The following KANSL3 variants were observed in gnomAD, a reference collection of about 807,000 sequenced individuals.
KANSL3 encodes the protein KAT8 regulatory NSL complex subunit 3, also known as NSL complex protein NSL3.
Under a neutral mutation model 89.2 loss-of-function variants are expected in KANSL3, and 16 were observed. The observed-to-expected ratio is 0.18, with a 90% CI of 0.12 to 0.27. The LOEUF is 0.27. Among genes scored for constraint, KANSL3 ranks in the 10% least tolerant of loss-of-function variants. The pLI is 1.00. For synonymous variants in KANSL3, 385 were observed against 419.7 expected, an observed-to-expected ratio of 0.92 and a Z score of 1.01; for missense variants, 879 against 1,110.6, an observed-to-expected ratio of 0.79 and a Z score of 2.96.
the KANSL3 span, among the ~76,000 whole-genome samples, chr2:96,582,953 G>C: frequency 4.6e-5 from 7 of 152,206 alleles, no homozygotes; most frequent in African/African-American, 1.7e-4. Flanking sequence ...GGAAGGTTTG[G>C]ACACAGTGTG....
rs1420285949 is a variant in KANSL3, at chr2:96,612,347, T to C, written c.1021A>G (p.Ser341Gly). The C allele has an allele frequency of 1.2e-6, 2 of 1,613,532 alleles. No homozygotes were observed. The highest frequency in any genetic ancestry group is 1.3e-5 in the African/African-American group (1 of 74,886). The change falls in exon 9 of 21, where the codon AGC becomes GGC. Residue 341 changes from serine (S) to glycine (G), a missense_variant. Ser to Gly is a moderately conservative substitution (Grantham distance 56, BLOSUM62 0). Transcript: ENST00000431828. ...ATAATGGGTTTGTGTGGGAAATGGCTGTGAATCTTCATGGGAAGAGAAAGA... is the reference window on the plus strand; with the variant it reads ...ATAATGGGTTTGTGTGGGAAATGGCCGTGAATCTTCATGGGAAGAGAAAGA... ...AVRSKVLEIH[S>G]HFPHKPIILI...
At chr2:96,635,327 TAA>T (rs1427242286) in intron 2 of KANSL3, among the ~76,000 whole-genome samples, 1 of 152,212 alleles carries the variant, frequency 6.6e-6, no homozygotes, top group Admixed American at 6.5e-5. Flanking sequence ...CACACTGGCC[TAA>T]AAGAGTTCTT....
At chr2:96,630,365 C>A (rs556467468) in intron 3 of KANSL3, among the ~76,000 whole-genome samples, 7 of 152,302 alleles carry the variant, frequency 4.6e-5, no homozygotes, top group South Asian at 4.1e-4. Context: ...TGCTGATACA[C>A]GCAACCACAT....
chr2:96,604,357 A>C lies in KANSL3; in HGVS notation c.2042T>G (p.Val681Gly). 6.2e-7 allele frequency: 1 copy of C among 1,612,284 alleles called. No individual in the cohort carries two copies. ...CACTGAAGGGACTGGGCTGGCTGAG[A>C]CTCCACCTTCAGAAGAACTGGACCT... ...TAKSSSSEGG[V>G]SASPVPSVVS... Residue 681 changes from valine to glycine, a missense_variant, in exon 17 of 21, where the codon GTC becomes GGC. By Grantham distance (109) the Val-to-Gly change is moderately radical. This residue lies in a region of KANSL3 where 317 missense variants were observed against 311.2 expected (regional missense o/e 1.02). Coordinates refer to ENST00000431828, the MANE Select transcript of KANSL3 (RefSeq NM_001115016.3).
rs761493569 is a variant in KANSL3, at chr2:96,637,109, G to C, written c.27C>G (p.Asp9Glu). ...CCATGCGTCGAGCTGAAGTCTGGAAGTCCCTCTCCCCACCCCGGTGGGCCA... is the reference window on the plus strand; with the variant it reads ...CCATGCGTCGAGCTGAAGTCTGGAACTCCCTCTCCCCACCCCGGTGGGCCA... Reference protein sequence around the residue: MAHRGGERDFQTSARRMGT... With the variant: MAHRGGEREFQTSARRMGT... The change falls in exon 2 of 21, where the codon GAC becomes GAG. Residue 9 changes from aspartate (D) to glutamate (E), a missense_variant. Coordinates refer to ENST00000431828, the MANE Select transcript of KANSL3 (RefSeq NM_001115016.3). 1.9e-6 allele frequency: 3 copies of C among 1,551,662 alleles called. No individual in the cohort carries two copies. Among genetic ancestry groups the C allele is most frequent in the South Asian group, 1.2e-5 (1 of 84,064 alleles).
intron 2 of KANSL3, among the ~76,000 whole-genome samples, chr2:96,632,515 T>A (rs963654944): frequency 6.6e-6 from 1 of 152,158 alleles, no homozygotes; most frequent in Non-Finnish European, 1.5e-5. Context: ...AAGCTAATAT[T>A]TTTAAAAGAT....
chr2:96,582,164 C>T, the KANSL3 span, among the ~76,000 whole-genome samples: 3 of 152,096 alleles, frequency 2.0e-5, no homozygotes, highest in South Asian at 4.1e-4. Context: ...CCAAGACGGG[C>T]GGATGACTTG....
chr2:96,630,840 T>C (rs531848175), intron 3 of KANSL3, among the ~76,000 whole-genome samples: 3 of 152,322 alleles, frequency 2.0e-5, no homozygotes, highest in African/African-American at 4.8e-5. Context: ...GTGCCCTCCA[T>C]AGCCTGCAAA....
chr2:96,592,934 C>T (rs1440484115), downstream of KANSL3, among the ~76,000 whole-genome samples: 1 of 151,566 alleles, frequency 6.6e-6, no homozygotes, highest in Non-Finnish European at 1.5e-5. Flanking sequence ...ACACAGGAGG[C>T]GGAAGTTGCA....
At chr2:96,627,854 G>A in intron 3 of KANSL3, 1 of 1,202,668 alleles carries the variant, frequency 8.3e-7, no homozygotes, top group South Asian at 1.3e-5. Flanking sequence ...ATAAAATGGT[G>A]GTATCTGAAA....
Position 96,594,267 on chromosome 2 carries a change from A to C in KANSL3, c.*1344T>G, listed in dbSNP as rs2066390386. On this transcript the variant is annotated 3_prime_UTR_variant, in exon 21 of 21. Transcript: ENST00000431828. The stretch of plus-strand genomic sequence containing the variant: ...CAGAAAAGGACACTTGAGTGGAGTC[A>C]CACTTGGGTTGCCTAATTTATTACC... The C allele has an allele frequency of 6.6e-6, 1 of 152,272 alleles. No individual in the cohort carries two copies. The highest frequency in any genetic ancestry group is 1.5e-5 in the Non-Finnish European group (1 of 68,072). The allele number at this position is 152,272 out of a possible 1,614,324, so 9.4% of individuals were successfully genotyped here.
At chr2:96,605,673 G>A (rs2067872564) in intron 14 of KANSL3, 162 bp from the exon 15 acceptor site, 3 of 568,398 alleles carry the variant, frequency 5.3e-6, no homozygotes, top group Non-Finnish European at 9.3e-6. Flanking sequence ...CATGCTTCAG[G>A]ACCACTTCAC....
intron 2 of KANSL3, among the ~76,000 whole-genome samples, chr2:96,632,876 G>A (rs140203375): frequency 6.7e-6 from 1 of 149,982 alleles, no homozygotes; most frequent in African/African-American, 2.5e-5. Flanking sequence ...TGAGGAAGGA[G>A]AACGGTGTGA....
intron 20 of KANSL3, among the ~76,000 whole-genome samples, chr2:96,598,719 G>C (rs535122692): frequency 6.6e-6 from 1 of 152,116 alleles, no homozygotes; most frequent in African/African-American, 2.4e-5. Flanking sequence ...AGACAAGCCT[G>C]GACAACATGG....
Position 96,637,094 on chromosome 2 carries a change from A to T in KANSL3, c.42T>A (p.Ala14=). ...AGAGCAGCGAGGTGCCCATGCGTCGAGCTGAAGTCTGGAAGTCCCTCTCCC... is the reference window on the plus strand; with the variant it reads ...AGAGCAGCGAGGTGCCCATGCGTCGTGCTGAAGTCTGGAAGTCCCTCTCCC... ...RGGERDFQTS[A]RRMGTSLLFQ... is the part of the protein sequence containing the mutation. Residue 14 remains alanine (A), a synonymous_variant, in exon 2 of 21, where the codon GCT becomes GCA. Transcript: ENST00000431828. 1 of 1,551,644 alleles carries T rather than the reference A, an allele frequency of 6.4e-7. No homozygotes were observed. Among genetic ancestry groups the T allele is most frequent in the Non-Finnish European group, 8.7e-7 (1 of 1,146,978 alleles).
chr2:96,617,171 T>C (rs2070316442), intron 5 of KANSL3, among the ~76,000 whole-genome samples: 1 of 152,188 alleles, frequency 6.6e-6, no homozygotes, highest in Non-Finnish European at 1.5e-5. Context: ...CCAGGGTTTC[T>C]ACTACAGGGG....
chr2:96,610,993 G>C, intron 10 of KANSL3, 71 bp downstream of exon 10: 2 of 1,577,498 alleles, frequency 1.3e-6, no homozygotes, highest in Non-Finnish European at 8.7e-7. Context: ...CTCAGCATCA[G>C]CTTGGACAAG....
At chr2:96,602,984 G>A (rs1004346418) in intron 17 of KANSL3, 122 bp from the exon 18 acceptor site, 32 of 803,494 alleles carry the variant, frequency 4.0e-5, no homozygotes, top group South Asian at 1.3e-4. Context: ...TTGGACACCC[G>A]TCCTCAGAGA....
chr2:96,633,151 T>C (rs1386728550), intron 2 of KANSL3, among the ~76,000 whole-genome samples: 1 of 150,444 alleles, frequency 6.6e-6, no homozygotes, highest in Non-Finnish European at 1.5e-5. Context: ...CCCAGCTACA[T>C]GGGAGGCTGA....
Sources: allele counts gnomAD v4.1 joint callset (sites outside exome capture counted in the v4.1 genomes callset), GRCh38; gene constraint gnomAD v4.1.1; regional missense constraint gnomAD v4.1.1; transcripts MANE v1.5; gene names NCBI Gene and HGNC (gene_info 2026-07-23, HGNC 2026-07-21).